The following LIPI variants were observed in gnomAD, a reference collection of about 807,000 sequenced individuals.
LIPI encodes lipase member I.
LIPI carries 59 observed loss-of-function variants against 50.6 expected under a neutral mutation model. The observed-to-expected ratio is 1.16, with a 90% confidence interval of 0.94 to 1.45. The LOEUF (loss-of-function observed/expected upper bound fraction) is 1.45, where lower values mean the gene tolerates loss of function less well. Ranked by LOEUF, LIPI falls within the 40% of genes most tolerant of loss-of-function variation. The probability of loss-of-function intolerance (pLI) is 0.00; values close to 1 mark genes in which losing one functional copy is unlikely to be tolerated. For synonymous variants in LIPI, 203 were observed against 178.2 expected, an observed-to-expected ratio of 1.14 and a Z score of -1.11; for missense variants, 586 against 536.3, an observed-to-expected ratio of 1.09 and a Z score of -0.92.
Position 14,108,919 on chromosome 21 carries a change from A to G in LIPI, c.*74T>C, listed in dbSNP as rs767890176. ...AATCTCAAATTGAACAGTGCATTAT[A>G]AAAGACTGATTGCATTGTTTCATTT... On this transcript the variant is annotated 3_prime_UTR_variant, in exon 10 of 10. Transcript: ENST00000681601. The G allele has an allele frequency of 2.5e-6, 4 of 1,581,142 alleles. No homozygotes were observed. Among genetic ancestry groups the G allele is most frequent in the East Asian group, 2.2e-5 (1 of 44,480 alleles).
At chr21:14,197,805 A>C (rs438019) in intron 1 of LIPI, among the ~76,000 whole-genome samples, 21,513 of 151,962 alleles carry the variant, frequency 0.14, 1,945 homozygotes, top group South Asian at 0.21. Context: ...ATCATCCCCA[A>C]GACACATAAT....
intron 1 of LIPI, among the ~76,000 whole-genome samples, chr21:14,193,866 ATATT>A (rs1379214809): frequency 6.6e-6 from 1 of 152,172 alleles, no homozygotes; most frequent in Admixed American, 6.5e-5. Flanking sequence ...ATGTGAGAAA[ATATT>A]TATTAATCAT....
At chr21:14,154,995 G>C (rs184774187) in intron 7 of LIPI, among the ~76,000 whole-genome samples, 1 of 151,976 alleles carries the variant, frequency 6.6e-6, no homozygotes, top group Admixed American at 6.6e-5. Context: ...TAGATGCTGA[G>C]ATTATCTGAC....
intron 1 of LIPI, among the ~76,000 whole-genome samples, chr21:14,196,246 A>T (rs2019847525): frequency 6.6e-6 from 1 of 152,036 alleles, no homozygotes. Context: ...AAAGAAATAA[A>T]CTTTTTATGC....
chr21:14,142,538 C>T (rs1475945415), intron 9 of LIPI, among the ~76,000 whole-genome samples: 1 of 150,796 alleles, frequency 6.6e-6, no homozygotes, highest in East Asian at 1.9e-4. Flanking sequence ...GGCTGGAGTG[C>T]AGTGGCACAA....
Position 14,210,839 on chromosome 21 carries a change from C to T in LIPI, c.7G>A (p.Val3Ile), listed in dbSNP as rs2020344828. The T allele has an allele frequency of 1.6e-6, 2 of 1,231,080 alleles. No homozygotes were observed. The highest frequency in any genetic ancestry group is 1.6e-5 in the African/African-American group (1 of 63,382). The allele number at this position is 1,231,080 out of a possible 1,614,324, so 76.3% of individuals were successfully genotyped here. ...CACATCAAACAAAGAAAAATGTATA[C>T]TCTCATTTGGAATCTGAGAAAAGCA... The part of the protein sequence containing the change: MR[V>I]YIFLCLMCWV... The change falls in exon 1 of 10, where the codon GTA (valine) becomes ATA (isoleucine). Residue 3 changes from valine to isoleucine, a missense_variant. By Grantham distance (29) the Val-to-Ile change is conservative. Transcript: ENST00000681601.
intron 9 of LIPI, among the ~76,000 whole-genome samples, chr21:14,114,500 T>C (rs1439229610): frequency 3.3e-5 from 5 of 152,122 alleles, no homozygotes; most frequent in Non-Finnish European, 7.4e-5. Flanking sequence ...CTCCACCCCC[T>C]TATGTTCCAA....
intron 9 of LIPI, among the ~76,000 whole-genome samples, chr21:14,130,435 A>T (rs1292582708): frequency 6.6e-6 from 1 of 152,086 alleles, no homozygotes; most frequent in Non-Finnish European, 1.5e-5. Flanking sequence ...TACCACCACC[A>T]CCTCGCCAAG....
In LIPI at chr21:14,189,095, C is replaced by T; in HGVS notation, c.371G>A (p.Arg124Lys). Residue 124 changes from arginine to lysine, a missense_variant, in exon 2 of 10, where the codon AGA (arginine) becomes AAA (lysine). Coordinates refer to ENST00000681601, the MANE Select transcript of LIPI (RefSeq NM_001302998.2). ...AACTTTTCTGGTGTTTTTAACTGCTCTATTATAAATAAAAGTTGTAGCACC... is the reference window on the plus strand; with the variant it reads ...AACTTTTCTGGTGTTTTTAACTGCTTTATTATAAATAAAAGTTGTAGCACC... ...SRGATTFIYN[R>K]AVKNTRKVAV... 6.2e-7 allele frequency: 1 copy of T among 1,612,168 alleles called. No homozygotes were observed. The highest frequency in any genetic ancestry group is 1.1e-5 in the South Asian group (1 of 91,076).
At chr21:14,131,372 A>T (rs577340958) in intron 9 of LIPI, among the ~76,000 whole-genome samples, 1 of 152,284 alleles carries the variant, frequency 6.6e-6, no homozygotes, top group South Asian at 2.1e-4. Context: ...TTCAGTTAGC[A>T]TCCAAGTCCC....
At chr21:14,173,359 G>A (rs1490629821) in intron 4 of LIPI, among the ~76,000 whole-genome samples, 2 of 152,180 alleles carry the variant, frequency 1.3e-5, no homozygotes, top group Non-Finnish European at 2.9e-5. Flanking sequence ...GGAGCAGTTT[G>A]AGTCAGAGTG....
chr21:14,180,480 T>C (rs771196095), intron 4 of LIPI, among the ~76,000 whole-genome samples: 1 of 152,192 alleles, frequency 6.6e-6, no homozygotes, highest in Non-Finnish European at 1.5e-5. Flanking sequence ...TCTTTATTTC[T>C]CAGCTGGCCG....
chr21:14,131,856 T>C (rs2017307243), intron 9 of LIPI, among the ~76,000 whole-genome samples: 1 of 152,072 alleles, frequency 6.6e-6, no homozygotes, highest in South Asian at 2.1e-4. Flanking sequence ...TTTACAAAGT[T>C]TCTTGAAAGA....
chr21:14,144,454 C>T (rs891704212), intron 9 of LIPI, 169 bp downstream of exon 9: 10 of 434,842 alleles, frequency 2.3e-5, no homozygotes, highest in Non-Finnish European at 4.2e-5. Context: ...TTTATTAAAG[C>T]CAAAAAAACC....
At chr21:14,190,051 C>CT (rs1447564472) in intron 1 of LIPI, among the ~76,000 whole-genome samples, 1 of 152,034 alleles carries the variant, frequency 6.6e-6, no homozygotes, top group African/African-American at 2.4e-5. Context: ...AGTGTAAAGA[C>CT]TTTAACCGCT....
At chr21:14,120,083 C>T (rs2016805946) in intron 9 of LIPI, among the ~76,000 whole-genome samples, 1 of 152,174 alleles carries the variant, frequency 6.6e-6, no homozygotes, top group East Asian at 1.9e-4. Flanking sequence ...CATGGGAAGC[C>T]CCCGTTATGT....
At position 14,185,984 on chromosome 21, in the gene LIPI, T is replaced by C. The variant is rs145933293; in HGVS notation, c.518A>G (p.His173Arg). The C allele has an allele frequency of 1.9e-6, 3 of 1,579,250 alleles. No homozygotes were observed. In the African/African-American group the frequency reaches 4.0e-5, roughly 21 times the overall value. ...HISGFVGKIF[H>R]GQLGRITGLD... is the part of the protein sequence containing the mutation. ...ACCTGTTATTCTTCCAAGTTGACCA[T>C]GAAATATCTTTCCAACAAATCCACT... Residue 173 changes from histidine (H) to arginine (R), a missense_variant, in exon 3 of 10, where the codon CAT becomes CGT. Transcript: ENST00000681601.
At chr21:14,118,207 T>C (rs370201178) in intron 9 of LIPI, among the ~76,000 whole-genome samples, 2 of 152,218 alleles carry the variant, frequency 1.3e-5, no homozygotes, top group African/African-American at 4.8e-5. Flanking sequence ...AATGACTACC[T>C]TGAAGACTGA....
At chr21:14,196,051 C>A (rs1375847889) in intron 1 of LIPI, among the ~76,000 whole-genome samples, 1 of 151,030 alleles carries the variant, frequency 6.6e-6, no homozygotes, top group Non-Finnish European at 1.5e-5. Context: ...ACTTATATGA[C>A]CCGAAAAATT....
Sources: allele counts gnomAD v4.1 joint callset (sites outside exome capture counted in the v4.1 genomes callset), GRCh38; gene constraint gnomAD v4.1.1; transcripts MANE v1.5; gene names NCBI Gene and HGNC (gene_info 2026-07-23, HGNC 2026-07-21).